PISD: variants seen among roughly 807,000 people sequenced by gnomAD.
PISD encodes phosphatidylserine decarboxylase, also known as phosphatidylserine decarboxylase proenzyme, mitochondrial.
PISD carries 31 observed loss-of-function variants against 43.5 expected under a neutral mutation model. The ratio of observed to expected loss-of-function variants is 0.71; its 90% CI spans 0.54 to 0.96. The LOEUF is 0.96. Ranked by LOEUF, PISD falls within the 40% of genes least tolerant of loss-of-function variation. The pLI, the probability that PISD is intolerant of heterozygous loss-of-function variation, is 0.00. For missense variants in PISD, 523 were observed against 548.4 expected, an observed-to-expected ratio of 0.95 and a Z score of 0.46; for synonymous variants, 259 against 228.7, an observed-to-expected ratio of 1.13 and a Z score of -1.20.
intron 3 of PISD, among the ~76,000 whole-genome samples, chr22:31,624,963 T>C (rs570994476): frequency 1.7e-3 from 257 of 152,288 alleles, no homozygotes; most frequent in Non-Finnish European, 2.8e-3. Context: ...CAAATGCTCC[T>C]GAGGCCCAGG....
intron 3 of PISD, among the ~76,000 whole-genome samples, chr22:31,631,797 A>T (rs1202333004): frequency 1.3e-5 from 2 of 152,226 alleles, no homozygotes; most frequent in African/African-American, 4.8e-5. Context: ...CTGTGGGAGC[A>T]ACTGAGCACG....
At chr22:31,661,879 G>A (rs1280223902) in intron 1 of PISD, among the ~76,000 whole-genome samples, 1 of 152,132 alleles carries the variant, frequency 6.6e-6, no homozygotes, top group South Asian at 2.1e-4. Flanking sequence ...CGGGCAGGTA[G>A]CCTATTTCAT....
intron 3 of PISD, among the ~76,000 whole-genome samples, chr22:31,643,997 G>A (rs1289335895): frequency 1.3e-5 from 2 of 151,774 alleles, no homozygotes; most frequent in Non-Finnish European, 2.9e-5. Flanking sequence ...GCAGTGAGCC[G>A]AGATTGCGCC....
chr22:31,628,658 G>A (rs981232916), intron 3 of PISD, among the ~76,000 whole-genome samples: 1 of 152,166 alleles, frequency 6.6e-6, no homozygotes, highest in African/African-American at 2.4e-5. Context: ...CTGAGAGCAG[G>A]GAAAGGCATT....
At chr22:31,629,165 C>T in intron 3 of PISD, 1 of 985,292 alleles carries the variant, frequency 1.0e-6, no homozygotes, top group South Asian at 4.7e-5. Context: ...CAACTGAAGT[C>T]GATGAATGAC....
intron 1 of PISD, among the ~76,000 whole-genome samples, chr22:31,656,874 T>C (rs190604436): frequency 6.6e-6 from 1 of 152,214 alleles, no homozygotes; most frequent in Non-Finnish European, 1.5e-5. Flanking sequence ...CCCACATCAT[T>C]TAGTTCTCTG....
chr22:31,645,960 T>C (rs1375831630), intron 3 of PISD, among the ~76,000 whole-genome samples: 2 of 151,642 alleles, frequency 1.3e-5, no homozygotes, highest in African/African-American at 4.8e-5. Flanking sequence ...TATATATATA[T>C]ATACAAATAT....
chr22:31,624,790 C>T (rs893101959), intron 3 of PISD, among the ~76,000 whole-genome samples: 2 of 151,746 alleles, frequency 1.3e-5, no homozygotes, highest in Non-Finnish European at 2.9e-5. Flanking sequence ...CATCCAGCCT[C>T]TCTGTGATCC....
intron 3 of PISD, among the ~76,000 whole-genome samples, chr22:31,633,688 C>A (rs549738396): frequency 6.6e-6 from 1 of 152,132 alleles, no homozygotes; most frequent in Non-Finnish European, 1.5e-5. Flanking sequence ...GCACTCCAGC[C>A]TGGGCGACAG....
intron 3 of PISD, among the ~76,000 whole-genome samples, chr22:31,634,434 T>C (rs910431377): frequency 2.6e-5 from 4 of 152,184 alleles, no homozygotes; most frequent in African/African-American, 9.7e-5. Context: ...GCAGTCCCAC[T>C]AGCCTGCAAG....
Position 31,619,014 on chromosome 22 carries a change from C to CAGA in PISD, c.*595_*597dup, listed in dbSNP as rs1490135361. The CAGA allele has an allele frequency of 5.4e-6, 1 of 185,866 alleles. No individual in the cohort carries two copies. The allele number at this position is 185,866 out of a possible 1,614,324, so 11.5% of individuals were successfully genotyped here. A position where few individuals can be genotyped will look rare whatever the true frequency, so the allele number is the denominator to read the frequency against. ...CATTAATCAGTGTCATCAGTGTCCT[C>CAGA]AGAAGACACTAGCAGAGTCCAGGGT... On this transcript the variant is annotated 3_prime_UTR_variant, in exon 8 of 8. Transcript: ENST00000439502.
At chr22:31,639,435 C>T (rs1857607188) in intron 3 of PISD, among the ~76,000 whole-genome samples, 3 of 152,020 alleles carry the variant, frequency 2.0e-5, no homozygotes, top group Admixed American at 2.0e-4. Flanking sequence ...TCTTGCCTTG[C>T]CAGGCTGGTC....
At chr22:31,661,172 T>C (rs781462416) in intron 1 of PISD, among the ~76,000 whole-genome samples, 8 of 152,250 alleles carry the variant, frequency 5.3e-5, no homozygotes, top group Non-Finnish European at 8.8e-5. Context: ...TAATCATTTC[T>C]GTACAGTTAA....
At chr22:31,655,011 G>A (rs541627010) in intron 1 of PISD, among the ~76,000 whole-genome samples, 130 of 150,596 alleles carry the variant, frequency 8.6e-4, no homozygotes, top group Non-Finnish European at 1.7e-3. Flanking sequence ...GGGAGGCAGA[G>A]GTTGCAGTGA....
intron 3 of PISD, among the ~76,000 whole-genome samples, chr22:31,643,996 C>T (rs960415883): frequency 6.6e-6 from 1 of 151,222 alleles, no homozygotes; most frequent in East Asian, 2.0e-4. Context: ...TGCAGTGAGC[C>T]GAGATTGCGC....
At chr22:31,638,299 C>T in intron 3 of PISD, 1 of 864,102 alleles carries the variant, frequency 1.2e-6, no homozygotes, top group Non-Finnish European at 1.4e-6. Context: ...ACAGCAGCCC[C>T]ACGTCCCTTC....
chr22:31,648,542 C>T (rs957924823), intron 2 of PISD, among the ~76,000 whole-genome samples: 3 of 151,772 alleles, frequency 2.0e-5, no homozygotes, highest in African/African-American at 7.2e-5. Flanking sequence ...CAGTGGCGGG[C>T]GCCTGTAGTC....
At position 31,640,110 on chromosome 22, in the gene PISD, G is replaced by A. The variant is rs150198170; in HGVS notation, c.321+7991C>T. The stretch of plus-strand genomic sequence containing the variant: ...TATTCAAGCTGCGCACACTCCACGC[G>A]ACGGGGCTAAATGGAACTAAAAGGA... On this transcript the variant is annotated intron_variant, in intron 3 of 7. Coordinates refer to ENST00000439502, the MANE Select transcript of PISD (RefSeq NM_001326411.2). Among the ~76,000 whole-genome samples the A allele has an allele frequency of 2.8e-4, 42 of 152,080 alleles. No homozygotes were observed. In the East Asian group the frequency reaches 6.2e-3, roughly 22 times the overall value.
intron 2 of PISD, among the ~76,000 whole-genome samples, chr22:31,650,093 C>T (rs2073991344): frequency 6.6e-6 from 1 of 152,148 alleles, no homozygotes; most frequent in Non-Finnish European, 1.5e-5. Context: ...GCAGCCCTAG[C>T]AAACTAATAC....
Sources: gnomAD v4.1 joint callset for allele counts (sites outside exome capture counted in the v4.1 genomes callset) on GRCh38, gnomAD v4.1.1 for gene constraint, MANE v1.5 for transcripts, NCBI Gene and HGNC (gene_info 2026-07-23, HGNC 2026-07-21) for gene names.